ZMAT4: variants seen among roughly 807,000 people sequenced by gnomAD.
ZMAT4 encodes the protein zinc finger matrin-type 4, also known as zinc finger matrin-type protein 4.
ZMAT4 carries 17 observed loss-of-function variants against 28.7 expected under a neutral mutation model. That is an observed-to-expected ratio of 0.59 (90% CI 0.41 to 0.89). The LOEUF is 0.89. Ranked by LOEUF, ZMAT4 falls within the 40% of genes least tolerant of loss-of-function variation. The pLI is 0.00. For missense variants in ZMAT4, 240 were observed against 283.8 expected, an observed-to-expected ratio of 0.85 and a Z score of 1.11; for synonymous variants, 117 against 109.2, an observed-to-expected ratio of 1.07 and a Z score of -0.44.
intron 3 of ZMAT4, among the ~76,000 whole-genome samples, chr8:40,756,903 G>A (rs1409549685): frequency 2.6e-5 from 4 of 152,034 alleles, no homozygotes; most frequent in African/African-American, 4.8e-5. Context: ...AGCATTAGCC[G>A]TGAAGCAATG....
intron 3 of ZMAT4, among the ~76,000 whole-genome samples, chr8:40,701,683 AT>A (rs1421156451): frequency 6.6e-6 from 1 of 151,360 alleles, no homozygotes; most frequent in Non-Finnish European, 1.5e-5. Context: ...TGCCTGGCTA[AT>A]TTTTTGTATT....
chr8:40,585,568 G>T (rs1177263739), intron 5 of ZMAT4, among the ~76,000 whole-genome samples: 2 of 152,026 alleles, frequency 1.3e-5, no homozygotes, highest in Non-Finnish European at 2.9e-5. Flanking sequence ...AAATTTGTCA[G>T]AACAATACTG....
intron 5 of ZMAT4, among the ~76,000 whole-genome samples, chr8:40,639,188 C>A (rs1216075786): frequency 2.0e-5 from 3 of 152,130 alleles, no homozygotes. Context: ...TTGCATTCAG[C>A]TTTGCTGGTT....
At chr8:40,694,828 T>A (rs1224516728) in intron 4 of ZMAT4, among the ~76,000 whole-genome samples, 1 of 152,086 alleles carries the variant, frequency 6.6e-6, no homozygotes, top group Non-Finnish European at 1.5e-5. Context: ...CCATAAAACC[T>A]AAAAACTATT....
chr8:40,673,444 C>A (rs560780012), intron 5 of ZMAT4, among the ~76,000 whole-genome samples: 280 of 152,240 alleles, frequency 1.8e-3, no homozygotes, highest in African/African-American at 6.5e-3. Context: ...CCTGTTTAAA[C>A]TGAGGTTGCC....
intron 6 of ZMAT4, among the ~76,000 whole-genome samples, chr8:40,555,754 C>T (rs1278146644): frequency 6.6e-6 from 1 of 152,090 alleles, no homozygotes; most frequent in Non-Finnish European, 1.5e-5. Flanking sequence ...TTCCCCCAGC[C>T]TCCTTCACTA....
chr8:40,875,406 T>C (rs1026649978), intron 1 of ZMAT4, among the ~76,000 whole-genome samples: 2 of 152,068 alleles, frequency 1.3e-5, no homozygotes, highest in African/African-American at 4.8e-5. Flanking sequence ...AAGCTTGTTG[T>C]TGTTACAGGG....
chr8:40,755,197 T>C (rs1812628934), intron 3 of ZMAT4, among the ~76,000 whole-genome samples: 1 of 152,140 alleles, frequency 6.6e-6, no homozygotes. Context: ...GCTTCTCTCT[T>C]AGGTGAAACT....
chr8:40,840,534 T>G (rs1038143715), intron 1 of ZMAT4, among the ~76,000 whole-genome samples: 3 of 152,154 alleles, frequency 2.0e-5, no homozygotes, highest in African/African-American at 7.2e-5. Flanking sequence ...CACCTCCCCA[T>G]GAAGCAGAGC....
chr8:40,664,528 A>G (rs1808324696), intron 5 of ZMAT4, among the ~76,000 whole-genome samples: 1 of 152,200 alleles, frequency 6.6e-6, no homozygotes, highest in African/African-American at 2.4e-5. Flanking sequence ...CCTGGCAACC[A>G]CTAACCTATT....
chr8:40,658,619 T>TACACACACACAC (rs3038825), intron 5 of ZMAT4, among the ~76,000 whole-genome samples: 45 of 145,584 alleles, frequency 3.1e-4, no homozygotes, highest in African/African-American at 8.9e-4. Flanking sequence ...GTTAGACACA[T>TACACACACACAC]ACACACACAC....
intron 4 of ZMAT4, among the ~76,000 whole-genome samples, chr8:40,677,517 C>T (rs1808962112): frequency 1.3e-5 from 2 of 152,160 alleles, no homozygotes; most frequent in Non-Finnish European, 2.9e-5. Context: ...TCAGACACAC[C>T]ATCTCTTTTA....
chr8:40,778,068 T>C (rs141197078), intron 2 of ZMAT4, among the ~76,000 whole-genome samples: 18 of 152,304 alleles, frequency 1.2e-4, no homozygotes, highest in African/African-American at 4.1e-4. Flanking sequence ...TAAATCGGAT[T>C]ACAGTAAACA....
At chr8:40,723,403 C>G (rs1396057787) in intron 3 of ZMAT4, among the ~76,000 whole-genome samples, 2 of 151,858 alleles carry the variant, frequency 1.3e-5, no homozygotes, top group East Asian at 3.9e-4. Flanking sequence ...ATTAGCTCGG[C>G]ATGGTGGCAG....
chr8:40,585,419 C>T (rs1562906), intron 5 of ZMAT4, among the ~76,000 whole-genome samples: 13,406 of 151,966 alleles, frequency 0.088, 937 homozygotes, highest in East Asian at 0.39. Flanking sequence ...GGCAAAACTT[C>T]GGGAGATTCT....
chr8:40,885,541 T>C (rs1025220428), intron 1 of ZMAT4, among the ~76,000 whole-genome samples: 3 of 152,248 alleles, frequency 2.0e-5, no homozygotes, highest in African/African-American at 7.2e-5. Flanking sequence ...ATGTATTTAT[T>C]TTAAGACGAG....
intron 5 of ZMAT4, among the ~76,000 whole-genome samples, chr8:40,605,812 C>A (rs1487252312): frequency 6.6e-6 from 1 of 151,962 alleles, no homozygotes; most frequent in Non-Finnish European, 1.5e-5. Context: ...TTTCTTAGAT[C>A]TAGTAGTAAT....
At chr8:40,884,137 T>C (rs887887699) in intron 1 of ZMAT4, among the ~76,000 whole-genome samples, 20 of 152,132 alleles carry the variant, frequency 1.3e-4, no homozygotes, top group Non-Finnish European at 2.5e-4. Context: ...TGATCCACCA[T>C]GCTACTCTCT....
chr8:40,558,886 A>G (rs1031644212), intron 6 of ZMAT4, among the ~76,000 whole-genome samples: 7 of 152,128 alleles, frequency 4.6e-5, no homozygotes, highest in Non-Finnish European at 8.8e-5. Context: ...CATAAGACTG[A>G]CAGAACAGAG....
Sources: gnomAD v4.1 joint callset for allele counts (sites outside exome capture counted in the v4.1 genomes callset) on GRCh38, gnomAD v4.1.1 for gene constraint, MANE v1.5 for transcripts, NCBI Gene and HGNC (gene_info 2026-07-23, HGNC 2026-07-21) for gene names.